Variants in AGT observed in about 807,000 individuals in gnomAD.
AGT encodes the protein alpha-1 antiproteinase, antitrypsin.
AGT carries 26 observed loss-of-function variants against 28.1 expected under a neutral mutation model. That is an observed-to-expected ratio of 0.92 (90% CI 0.68 to 1.28). The LOEUF (loss-of-function observed/expected upper bound fraction) is 1.28, where lower values mean the gene tolerates loss of function less well. Among genes scored for constraint, AGT ranks in the 50% most tolerant of loss-of-function variants. AGT has a pLI of 0.00. For missense variants in AGT, 596 were observed against 592.3 expected (o/e 1.01, Z -0.06); for synonymous variants, 259 against 259.6 (o/e 1.00, Z 0.02).
At chr1:230,725,112 G>A (rs1240794000) in intron 1 of AGT, among the ~76,000 whole-genome samples, 2 of 152,092 alleles carry the variant, frequency 1.3e-5, no homozygotes, top group Non-Finnish European at 2.9e-5. Flanking sequence ...TTAACTTTTA[G>A]AAAAATAAAA....
chr1:230,708,151 C>T (rs1260504248), intron 2 of AGT, among the ~76,000 whole-genome samples: 1 of 152,220 alleles, frequency 6.6e-6, no homozygotes, highest in Non-Finnish European at 1.5e-5. Flanking sequence ...GGAAGTGGGG[C>T]AGGGTCAGGG....
rs549409693 is a variant in AGT at position 230,704,558 on chromosome 1, A to G, written c.1098-221T>C. ...CAATACTATGTGAGGGACATAGAAG[A>G]TTTACCGATGAGGACCTAGGAATGG... On this transcript the variant is annotated intron_variant, in intron 3 of 4. Transcript: ENST00000366667. 3.0e-4 allele frequency among the ~76,000 whole-genome samples: 46 copies of G among 152,352 alleles called. No homozygotes were observed. In the Middle Eastern group the frequency reaches 0.01, roughly 34 times the overall value.
intron 1 of AGT, among the ~76,000 whole-genome samples, chr1:230,724,959 C>T (rs1048321345): frequency 6.6e-6 from 1 of 152,120 alleles, no homozygotes; most frequent in South Asian, 2.1e-4. Context: ...AAAGAAAACT[C>T]ACAGTAGCAG....
At chr1:230,737,857 G>A (rs951372129) in intron 1 of AGT, among the ~76,000 whole-genome samples, 6 of 152,100 alleles carry the variant, frequency 3.9e-5, no homozygotes, top group African/African-American at 1.4e-4. Flanking sequence ...ATCTCAAAAA[G>A]AAAGCCTTTA....
At chr1:230,738,196 T>C (rs1664186854) in intron 1 of AGT, among the ~76,000 whole-genome samples, 1 of 152,248 alleles carries the variant, frequency 6.6e-6, no homozygotes, top group African/African-American at 2.4e-5. Context: ...TGTTTTCAGT[T>C]CTCTTGACAG....
chr1:230,734,610 ATG>A (rs59787972), intron 1 of AGT, among the ~76,000 whole-genome samples: 13,843 of 150,080 alleles, frequency 0.092, 918 homozygotes, highest in East Asian at 0.36. Context: ...TGGTGTGTGT[ATG>A]TGTGTGTGTG....
chr1:230,726,511 A>G lies in AGT; in HGVS notation c.-30-15658T>C, dbSNP rs545360231. 9.2e-5 allele frequency among the ~76,000 whole-genome samples: 14 copies of G among 152,186 alleles called. No homozygotes were observed. In the South Asian group the frequency reaches 2.9e-3, roughly 32 times the overall value. On this transcript the variant is annotated intron_variant, in intron 1 of 4. Coordinates refer to the AGT transcript ENST00000681269. ...AAAAGAACCAAAAAAAAAAGACTTC[A>G]CCTAAGATCCTAAGATGTCACTCTA...
rs56073403 is a variant in AGT, at chr1:230,710,009, T to C, written c.815A>G (p.Tyr272Cys). Residue 272 changes from tyrosine (Y) to cysteine (C), a missense_variant, in exon 2 of 5, where the codon TAC (tyrosine) becomes TGC (cysteine). Tyr to Cys is a radical substitution (Grantham distance 194, BLOSUM62 -2). Coordinates refer to ENST00000366667, the MANE Select transcript of AGT (RefSeq NM_001384479.1). ...GTTTGCCTTACCTTGGAAGTGGACG[T>C]AGGTGTTGAAAGCCAGGGTGCTGTC... Reference protein sequence around the residue: ...SVDSTLAFNTYVHFQGKMKGF... With the variant: ...SVDSTLAFNTCVHFQGKMKGF... 1.2e-3 allele frequency: 1,945 copies of C among 1,614,198 alleles called. 3 individuals carry two copies. The highest frequency in any genetic ancestry group is 1.8e-3 in the Admixed American group (107 of 60,036).
chr1:230,735,028 T>C (rs901966220), intron 1 of AGT, among the ~76,000 whole-genome samples: 1 of 152,108 alleles, frequency 6.6e-6, no homozygotes, highest in Non-Finnish European at 1.5e-5. Flanking sequence ...CTGGCTGTGT[T>C]TATCCCTGGA....
chr1:230,716,136 C>A (rs996048784), upstream of AGT, among the ~76,000 whole-genome samples: 1 of 152,184 alleles, frequency 6.6e-6, no homozygotes, highest in African/African-American at 2.4e-5. Context: ...AATCCATGCC[C>A]AAGGCTGACT....
chr1:230,732,677 G>C (rs1664088756), intron 1 of AGT, among the ~76,000 whole-genome samples: 1 of 152,126 alleles, frequency 6.6e-6, no homozygotes, highest in Non-Finnish European at 1.5e-5. Context: ...AAAATAAAAT[G>C]TTACTAAGAA....
chr1:230,734,178 A>G (rs1370222419), intron 1 of AGT, among the ~76,000 whole-genome samples: 3 of 152,244 alleles, frequency 2.0e-5, no homozygotes, highest in Non-Finnish European at 4.4e-5. Context: ...ACAAAATATG[A>G]CATATCCATA....
intron 1 of AGT, among the ~76,000 whole-genome samples, chr1:230,738,333 C>A (rs1044772746): frequency 6.6e-5 from 10 of 152,296 alleles, no homozygotes; most frequent in South Asian, 2.1e-4. Flanking sequence ...TAAAAATTAC[C>A]CACGTTAAAC....
rs1663284872 is a variant in AGT at position 230,703,310 on chromosome 1, A to G, written c.1262T>C (p.Phe421Ser). The G allele has an allele frequency of 6.2e-7, 1 of 1,614,174 alleles. No homozygotes were observed. Among genetic ancestry groups the G allele is most frequent in the Non-Finnish European group, 8.5e-7 (1 of 1,180,022 alleles). Reference sequence around the variant, plus strand: ...CTCTCTCTCATCCGCTTCAAGCTCAAAAAAAATGCTGTTCAGCACCTGCAA... The same window carrying G: ...CTCTCTCTCATCCGCTTCAAGCTCAGAAAAAATGCTGTTCAGCACCTGCAA... ...RVGEVLNSIF[F>S]ELEADEREPT... is the part of the protein sequence containing the mutation. Residue 421 changes from phenylalanine to serine, a missense_variant, in exon 5 of 5, where the codon TTT (phenylalanine) becomes TCT (serine). Phe to Ser is a radical substitution (Grantham distance 155, BLOSUM62 -2). Coordinates refer to ENST00000366667, the MANE Select transcript of AGT (RefSeq NM_001384479.1).
chr1:230,727,614 A>G (rs905778715), intron 1 of AGT, among the ~76,000 whole-genome samples: 2 of 152,246 alleles, frequency 1.3e-5, no homozygotes, highest in Non-Finnish European at 2.9e-5. Context: ...GACCCTAAGT[A>G]ACTAACTAAG....
At chr1:230,731,594 G>A (rs1352352251) in intron 1 of AGT, among the ~76,000 whole-genome samples, 3 of 152,156 alleles carry the variant, frequency 2.0e-5, no homozygotes, top group Non-Finnish European at 4.4e-5. Flanking sequence ...GGCCAGACAC[G>A]ATGGCTCACG....
intron 1 of AGT, among the ~76,000 whole-genome samples, chr1:230,730,028 G>T (rs1220156199): frequency 6.6e-6 from 1 of 152,042 alleles, no homozygotes; most frequent in Non-Finnish European, 1.5e-5. Context: ...AGGCGTGGTG[G>T]TGCACGCCTA....
At chr1:230,703,438 C>T (rs550007631) in intron 4 of AGT, 109 bp from the exon 5 acceptor site, 1 of 1,160,064 alleles carries the variant, frequency 8.6e-7, no homozygotes, top group Non-Finnish European at 1.3e-6. Context: ...GTGCACTGTC[C>T]TGGAGGGGGA....
At chr1:230,722,513 T>C (rs190169797) in intron 1 of AGT, among the ~76,000 whole-genome samples, 1,865 of 152,316 alleles carry the variant, frequency 0.012, 41 homozygotes, top group Non-Finnish European at 0.014. Flanking sequence ...AGACACTCAA[T>C]GCCAGCCTGT....
Sources: allele counts gnomAD v4.1 joint callset (sites outside exome capture counted in the v4.1 genomes callset), GRCh38; gene constraint gnomAD v4.1.1; transcripts MANE v1.5; gene names NCBI Gene and HGNC (gene_info 2026-07-23, HGNC 2026-07-21).